SPTAN1: variants seen among roughly 807,000 people sequenced by gnomAD.
The protein encoded by SPTAN1 is spectrin alpha chain, non-erythrocytic 1.
In SPTAN1, 61 loss-of-function variants were observed where a neutral mutation model predicts 331.3. That is an observed-to-expected ratio of 0.18 (90% CI 0.15 to 0.23). SPTAN1 has a LOEUF of 0.23. Among genes scored for constraint, SPTAN1 ranks in the 10% least tolerant of loss-of-function variants. The pLI is 1.00. For missense variants in SPTAN1, 2,043 were observed against 3,147.9 expected, an observed-to-expected ratio of 0.65 and a Z score of 8.40; for synonymous variants, 1,153 against 1,173.9, an observed-to-expected ratio of 0.98 and a Z score of 0.36.
Position 128,587,990 on chromosome 9 carries a change from T to C in SPTAN1, c.2871+292T>C, listed in dbSNP as rs1177340488. ...CCTCCTGAGTAGGTGGGATTACAGG[T>C]GTTCACCACCATGCCCAGCTAAATT... On this transcript the variant is annotated intron_variant, in intron 20 of 56. Transcript: ENST00000372739. Among the ~76,000 whole-genome samples, 3 of 150,428 alleles carry C rather than the reference T, an allele frequency of 2.0e-5. No homozygotes were observed. The Admixed American group carries it at 2.0e-4, about 10-fold the overall frequency.
intron 41 of SPTAN1, among the ~76,000 whole-genome samples, chr9:128,616,975 C>T (rs887823631): frequency 2.6e-5 from 4 of 152,002 alleles, no homozygotes; most frequent in African/African-American, 7.3e-5. Flanking sequence ...TGGTGGCTCA[C>T]GCCTATAATC....
chr9:128,606,330 G>A (rs1303509546), intron 31 of SPTAN1, among the ~76,000 whole-genome samples: 5 of 112,636 alleles, frequency 4.4e-5, no homozygotes, highest in East Asian at 3.1e-4. Context: ...AGCCGAGATC[G>A]CACCACCGTA....
At position 128,583,177 on chromosome 9, in the gene SPTAN1, A is replaced by G. The variant is rs957008771; in HGVS notation, c.1907A>G (p.Gln636Arg). The change falls in exon 15 of 57, where the codon CAA becomes CGA. Residue 636 changes from glutamine (Q) to arginine (R), a missense_variant. Physicochemically the swap from Gln to Arg is conservative, Grantham distance 43 (BLOSUM62 1). Coordinates refer to ENST00000372739, the MANE Select transcript of SPTAN1 (RefSeq NM_001130438.3). ...SRIDALEKAG[Q>R]KLIDVNHYAK... ...ATTGATGCCTTGGAGAAAGCTGGCCAAAAGCTGATTGATGTCAACCACTAT... is the reference window on the plus strand; with the variant it reads ...ATTGATGCCTTGGAGAAAGCTGGCCGAAAGCTGATTGATGTCAACCACTAT... The G allele has an allele frequency of 6.2e-7, 1 of 1,614,170 alleles. No homozygotes were observed. Among genetic ancestry groups the G allele is most frequent in the East Asian group, 2.2e-5 (1 of 44,882 alleles).
At chr9:128,594,000 CG>C in intron 23 of SPTAN1, 174 bp from the exon 24 acceptor site, 1 of 685,324 alleles carries the variant, frequency 1.5e-6, no homozygotes, top group Admixed American at 2.0e-5. Flanking sequence ...CAGGCTGTGG[CG>C]TGGGTACTTG....
chr9:128,599,488 TTTTTTTTC>T, intron 26 of SPTAN1: 1 of 174,950 alleles, frequency 5.7e-6, no homozygotes, highest in South Asian at 1.3e-4. Flanking sequence ...GTTGGTTTTT[TTTTTTTTC>T]GGTCTTTTGT....
Position 128,589,495 on chromosome 9 carries a change from C to G in SPTAN1, c.3006+552C>G, listed in dbSNP as rs566103184. On this transcript the variant is annotated intron_variant, in intron 21 of 56. Transcript: ENST00000372739. ...AGTAGAGATGGGGTTTCACCGTGGT[C>G]TCTATCTCCTGACCTCGTGATCCAC... Among the ~76,000 whole-genome samples the G allele has an allele frequency of 2.4e-3, 355 of 150,086 alleles. 2 individuals are homozygous for G. The highest frequency in any genetic ancestry group is 3.9e-3 in the Non-Finnish European group (265 of 67,632).
chr9:128,559,293 TC>T (rs1276320880), intron 1 of SPTAN1, among the ~76,000 whole-genome samples: 10 of 152,190 alleles, frequency 6.6e-5, no homozygotes, highest in Admixed American at 6.5e-4. Flanking sequence ...CTGAACTGTC[TC>T]TCTGGATTGG....
intron 27 of SPTAN1, among the ~76,000 whole-genome samples, chr9:128,602,011 G>A (rs1855214923): frequency 6.6e-6 from 1 of 152,138 alleles, no homozygotes; most frequent in South Asian, 2.1e-4. Context: ...TCAACAGAAT[G>A]TTTCTGATAA....
intron 39 of SPTAN1, among the ~76,000 whole-genome samples, chr9:128,612,699 G>A (rs1856700871): frequency 6.6e-6 from 1 of 152,206 alleles, no homozygotes; most frequent in South Asian, 2.1e-4. Context: ...GCCGAGGCAG[G>A]CAGATCACTT....
At chr9:128,624,199 G>A in intron 45 of SPTAN1, 129 bp from the exon 46 acceptor site, 2 of 947,226 alleles carry the variant, frequency 2.1e-6, no homozygotes, top group Non-Finnish European at 3.2e-6. Context: ...CCCTATCATT[G>A]TTTACCCAGC....
intron 37 of SPTAN1, among the ~76,000 whole-genome samples, chr9:128,610,354 G>A (rs1376569826): frequency 6.6e-6 from 1 of 152,218 alleles, no homozygotes; most frequent in Non-Finnish European, 1.5e-5. Flanking sequence ...AGGAACAGAA[G>A]AAGAGGGTAA....
At chr9:128,561,631 C>CCAG in intron 1 of SPTAN1, among the ~76,000 whole-genome samples, 1 of 112,520 alleles carries the variant, frequency 8.9e-6, no homozygotes, top group South Asian at 2.8e-4. Flanking sequence ...CCACTGCACT[C>CCAG]CAGCCTGGGC....
At chr9:128,600,999 T>TTTTTTTTTTTTG in intron 27 of SPTAN1, among the ~76,000 whole-genome samples, 1 of 132,316 alleles carries the variant, frequency 7.6e-6, no homozygotes, top group Non-Finnish European at 1.6e-5. Flanking sequence ...TTTTTTTTTT[T>TTTTTTTTTTTTG]TTGAGACGGA....
chr9:128,600,799 A>G (rs1481402968), intron 27 of SPTAN1, among the ~76,000 whole-genome samples: 2 of 149,480 alleles, frequency 1.3e-5, no homozygotes, highest in Admixed American at 6.7e-5. Context: ...AGTAGCTGGG[A>G]CTACAGGCAT....
chr9:128,578,168 G>A lies in SPTAN1; in HGVS notation c.1144G>A (p.Ala382Thr), dbSNP rs1205397344. The part of the protein sequence containing the change: ...DLTSWVTEMK[A>T]LINADELASD... ...CACCAGCTGGGTGACTGAGATGAAA[G>A]CCCTCATCAATGCAGATGAGCTTGC... The change falls in exon 9 of 57, where the codon GCC (alanine) becomes ACC (threonine). Residue 382 changes from alanine (A) to threonine (T), a missense_variant. Ala to Thr is a moderately conservative substitution (Grantham distance 58). This residue lies in a region of SPTAN1 where 1,038 missense variants were observed against 1,531.5 expected (regional missense o/e 0.68). Coordinates refer to ENST00000372739, the MANE Select transcript of SPTAN1 (RefSeq NM_001130438.3). 1 of 1,614,132 alleles carries A rather than the reference G, an allele frequency of 6.2e-7. No homozygotes were observed. The highest frequency in any genetic ancestry group is 1.1e-5 in the South Asian group (1 of 91,078).
At chr9:128,589,629 G>A (rs1377625096) in intron 21 of SPTAN1, among the ~76,000 whole-genome samples, 1 of 133,036 alleles carries the variant, frequency 7.5e-6, no homozygotes, top group Non-Finnish European at 1.5e-5. Context: ...AGGTTGCAGT[G>A]CAGTGGCATG....
chr9:128,624,820 C>T (rs113605698), intron 46 of SPTAN1: 3 of 572,330 alleles, frequency 5.2e-6, no homozygotes, highest in Non-Finnish European at 9.4e-6. Context: ...CCACCCAGCT[C>T]CTGGGTGAGG....
At chr9:128,613,980 A>G (rs564384696) in intron 40 of SPTAN1, among the ~76,000 whole-genome samples, 4 of 151,146 alleles carry the variant, frequency 2.6e-5, no homozygotes, top group African/African-American at 9.7e-5. Flanking sequence ...ACTCCAGCCT[A>G]GGCAACAGAG....
In SPTAN1 at chr9:128,626,337, C is replaced by T. The variant is rs553876747; in HGVS notation, c.6280-54C>T. The T allele has an allele frequency of 2.8e-5, 45 of 1,601,358 alleles. No homozygotes were observed. In the East Asian group the frequency reaches 5.1e-4, roughly 18 times the overall value. ...ACCCCGCACCCCACCTCCTGCACTG[C>T]GTCGGCACGTCCAGCCCTGGCGACT... On this transcript the variant is annotated intron_variant, in intron 48 of 56. Transcript: ENST00000372739.
Sources: allele counts gnomAD v4.1 joint callset (sites outside exome capture counted in the v4.1 genomes callset), GRCh38; gene constraint gnomAD v4.1.1; regional missense constraint gnomAD v4.1.1; transcripts MANE v1.5; gene names NCBI Gene and HGNC (gene_info 2026-07-23, HGNC 2026-07-21).